RHBDL3: variants seen among roughly 807,000 people sequenced by gnomAD.
RHBDL3 encodes the protein rhomboid-related protein 3.
A neutral mutation model predicts 48.2 loss-of-function variants in RHBDL3; 28 were observed. That is an observed-to-expected ratio of 0.58 (90% CI 0.43 to 0.80). The LOEUF (loss-of-function observed/expected upper bound fraction) is 0.80, where lower values mean the gene tolerates loss of function less well. RHBDL3 is among the 30% of genes least tolerant of loss of function. RHBDL3 has a pLI of 0.00. For synonymous variants in RHBDL3, 208 were observed against 232.3 expected (o/e 0.90, Z 0.95); for missense variants, 464 against 542.7 (o/e 0.85, Z 1.44).
intron 8 of RHBDL3, among the ~76,000 whole-genome samples, chr17:32,320,101 C>T (rs1034343985): frequency 2.0e-5 from 3 of 151,264 alleles, no homozygotes; most frequent in Admixed American, 1.3e-4. Context: ...GACCTCATCT[C>T]TACAAAAAAA....
chr17:32,274,031 T>G (rs1038714216), intron 2 of RHBDL3, among the ~76,000 whole-genome samples: 6 of 152,236 alleles, frequency 3.9e-5, no homozygotes, highest in Non-Finnish European at 8.8e-5. Flanking sequence ...CCACCGTGCC[T>G]GGCCAGACCT....
intron 2 of RHBDL3, among the ~76,000 whole-genome samples, chr17:32,281,438 C>A (rs1041597483): frequency 7.2e-5 from 11 of 152,078 alleles, no homozygotes; most frequent in Non-Finnish European, 1.2e-4. Flanking sequence ...TTCTCTAGGC[C>A]GAGGCAGGAG....
At chr17:32,313,644 A>C (rs1194159368) in intron 7 of RHBDL3, among the ~76,000 whole-genome samples, 1 of 150,636 alleles carries the variant, frequency 6.6e-6, no homozygotes. Context: ...TCTATACTTC[A>C]TCTAAGTGGA....
At chr17:32,282,357 A>C (rs1597627099) in intron 2 of RHBDL3, among the ~76,000 whole-genome samples, 1 of 152,198 alleles carries the variant, frequency 6.6e-6, no homozygotes, top group African/African-American at 2.4e-5. Flanking sequence ...ACTTAAGCCC[A>C]GGAGTTCGAG....
intron 2 of RHBDL3, among the ~76,000 whole-genome samples, chr17:32,273,111 C>T (rs1181444191): frequency 1.3e-5 from 2 of 152,330 alleles, no homozygotes; most frequent in East Asian, 3.9e-4. Flanking sequence ...GGCGATTCTC[C>T]TACCTCAACC....
At chr17:32,292,050 G>A (rs1386541954) in intron 4 of RHBDL3, among the ~76,000 whole-genome samples, 6 of 152,054 alleles carry the variant, frequency 3.9e-5, no homozygotes, top group East Asian at 1.9e-4. Flanking sequence ...GATTACAGGC[G>A]TGAGCCACTG....
At position 32,321,025 on chromosome 17, in the gene RHBDL3, C is replaced by T. The variant is rs765120634; in HGVS notation, c.1011C>T (p.His337=). The T allele has an allele frequency of 4.3e-6, 7 of 1,614,118 alleles. No homozygotes were observed. Among genetic ancestry groups the T allele is most frequent in the Admixed American group, 1.7e-5 (1 of 60,010 alleles). The change falls in exon 9 of 9, where the codon CAC becomes CAT. Residue 337 remains histidine (H), a synonymous_variant. Coordinates refer to ENST00000269051, the MANE Select transcript of RHBDL3 (RefSeq NM_138328.3). ...CGTCGGCCTATCCCCCGTGCCCTCA[C>T]CCAAGCTTTGTGGCGCACTTGGGTG... ...FHPSAYPPCP[H]PSFVAHLGGV... is the part of the protein sequence containing the mutation.
chr17:32,299,046 G>GTTTT (rs71362825), intron 6 of RHBDL3, among the ~76,000 whole-genome samples: 25 of 141,248 alleles, frequency 1.8e-4, no homozygotes, highest in African/African-American at 2.1e-4. Context: ...ATTGCCGGCT[G>GTTTT]TTTTTTTTTT....
At chr17:32,275,215 G>A (rs1400519030) in intron 2 of RHBDL3, among the ~76,000 whole-genome samples, 1 of 152,176 alleles carries the variant, frequency 6.6e-6, no homozygotes, top group African/African-American at 2.4e-5. Context: ...AGACTCCTGG[G>A]CTTCATGGCC....
intron 2 of RHBDL3, among the ~76,000 whole-genome samples, chr17:32,271,246 T>A (rs2039767144): frequency 6.6e-6 from 1 of 152,250 alleles, no homozygotes; most frequent in Non-Finnish European, 1.5e-5. Context: ...ATCTGATTCC[T>A]ATCCAGCTAT....
intron 2 of RHBDL3, among the ~76,000 whole-genome samples, chr17:32,283,539 G>A (rs543101325): frequency 6.6e-5 from 10 of 151,854 alleles, no homozygotes; most frequent in Non-Finnish European, 1.5e-4. Context: ...TAGCCAGGAT[G>A]GTCTCCATCT....
intron 2 of RHBDL3, among the ~76,000 whole-genome samples, chr17:32,270,353 A>G (rs1391245199): frequency 6.6e-6 from 1 of 151,636 alleles, no homozygotes; most frequent in East Asian, 1.9e-4. Flanking sequence ...TCAAACTGGG[A>G]TCTGCTAGGG....
chr17:32,276,835 T>TTACTCCGGCCCTAGCACAG (rs1555583001), intron 2 of RHBDL3, among the ~76,000 whole-genome samples: 4,438 of 52,860 alleles, frequency 0.084, 704 homozygotes, highest in African/African-American at 0.16. Context: ...CCCTAGCACC[T>TTACTCCGGCCCTAGCACAG]TACTCCGGCC....
intron 2 of RHBDL3, 22 bp downstream of exon 2, chr17:32,267,947 C>G (rs1400956415): frequency 6.4e-7 from 1 of 1,567,642 alleles, no homozygotes; most frequent in Non-Finnish European, 8.8e-7. Context: ...GTTAACCCCC[C>G]ATTTCCTTCC....
At chr17:32,318,312 C>G (rs183808458) in intron 8 of RHBDL3, among the ~76,000 whole-genome samples, 1 of 147,628 alleles carries the variant, frequency 6.8e-6, no homozygotes, top group Non-Finnish European at 1.5e-5. Flanking sequence ...TGTGACAGAG[C>G]GAGACCTTGC....
At position 32,288,871 on chromosome 17, in the gene RHBDL3, A is replaced by T; in HGVS notation, c.374A>T (p.Glu125Val). The change falls in exon 4 of 9, where the codon GAG (glutamate) becomes GTG (valine). Residue 125 changes from glutamate (E) to valine (V), a missense_variant. Physicochemically the swap from Glu to Val is moderately radical, Grantham distance 121. Coordinates refer to ENST00000269051, the MANE Select transcript of RHBDL3 (RefSeq NM_138328.3). ...AGGCTAAGCAGCAAGGCCCTGCTGG[A>T]GGAGAAGGGGCTGAGCCTCTCGCAG... ...NRRLSSKALL[E>V]EKGLSLSQRL... 1 of 1,614,168 alleles carries T rather than the reference A, an allele frequency of 6.2e-7. No homozygotes were observed. The highest frequency in any genetic ancestry group is 8.5e-7 in the Non-Finnish European group (1 of 1,180,018).
Position 32,322,417 on chromosome 17 carries a change from G to T in RHBDL3, c.*1188G>T, listed in dbSNP as rs908113166. The T allele has an allele frequency of 6.6e-6, 1 of 152,348 alleles. No individual in the cohort carries two copies. Among genetic ancestry groups the T allele is most frequent in the African/African-American group, 2.4e-5 (1 of 41,448 alleles). The allele number at this position is 152,348 out of a possible 1,614,324, so 9.4% of individuals were successfully genotyped here. A position where few individuals can be genotyped will look rare whatever the true frequency, so the allele number is the denominator to read the frequency against. ...CAAGGATCCCTGGATGCTGAGGTTT[G>T]CCAGGTTCAGCTCTTGTTTCCGTCT... On this transcript the variant is annotated 3_prime_UTR_variant, in exon 9 of 9. Transcript: ENST00000269051.
intron 2 of RHBDL3, among the ~76,000 whole-genome samples, chr17:32,282,382 C>T (rs768041074): frequency 9.2e-5 from 14 of 152,212 alleles, no homozygotes; most frequent in Non-Finnish European, 2.9e-5. Flanking sequence ...GCCTGGGCAA[C>T]GTAGTGAGAG....
At chr17:32,284,511 G>C (rs1342828198) in intron 2 of RHBDL3, 148 bp from the exon 3 acceptor site, 7 of 669,780 alleles carry the variant, frequency 1.0e-5, no homozygotes, top group Non-Finnish European at 1.8e-5. Context: ...GTTTCCCAGG[G>C]GGGTCCTTGG....
Sources: allele counts gnomAD v4.1 joint callset (sites outside exome capture counted in the v4.1 genomes callset), GRCh38; gene constraint gnomAD v4.1.1; transcripts MANE v1.5; gene names NCBI Gene and HGNC (gene_info 2026-07-23, HGNC 2026-07-21).